GAS7: variants seen among roughly 807,000 people sequenced by gnomAD.
GAS7 encodes growth arrest-specific protein 7.
GAS7 carries 28 observed loss-of-function variants against 71.1 expected under a neutral mutation model. That is an observed-to-expected ratio of 0.39 (90% confidence interval 0.29 to 0.54). The LOEUF (loss-of-function observed/expected upper bound fraction) is 0.54, where lower values mean the gene tolerates loss of function less well. Among genes scored for constraint, GAS7 ranks in the 20% least tolerant of loss-of-function variants. The pLI is 0.62. For missense variants in GAS7, 436 were observed against 627.8 expected, an observed-to-expected ratio of 0.69 and a Z score of 3.27; for synonymous variants, 258 against 245.8, an observed-to-expected ratio of 1.05 and a Z score of -0.46.
intron 5 of GAS7, among the ~76,000 whole-genome samples, chr17:9,956,457 C>T (rs890217397): frequency 2.0e-5 from 3 of 152,080 alleles, no homozygotes; most frequent in African/African-American, 7.2e-5. Context: ...AGAGTGTGGC[C>T]GGGTGGCTTT....
chr17:10,051,333 C>T (rs1445259540), intron 1 of GAS7, among the ~76,000 whole-genome samples: 4 of 152,176 alleles, frequency 2.6e-5, no homozygotes. Flanking sequence ...GCTAAACTCT[C>T]CAGAATGATA....
rs1446940161 is a variant in GAS7 at position 9,913,794 on chromosome 17, G to A, written c.*3434C>T. 8.6e-6 allele frequency: 2 copies of A among 231,564 alleles called. No homozygotes were observed. The highest frequency in any genetic ancestry group is 6.1e-5 in the East Asian group (1 of 16,410). The allele number at this position is 231,564 out of a possible 1,614,324, so 14.3% of individuals were successfully genotyped here. On this transcript the variant is annotated 3_prime_UTR_variant, in exon 14 of 14. Transcript: ENST00000432992. The stretch of plus-strand genomic sequence containing the variant: ...TAACAAGTGGCTCTTCCTGGAGGTT[G>A]TCACAGCAACCAACTTGGAACACCA...
In GAS7 at chr17:9,979,862, TA is replaced by T. The variant is rs749550179; in HGVS notation, c.385+1941del. Among the ~76,000 whole-genome samples the T allele has an allele frequency of 2.7e-3, 376 of 141,142 alleles. 1 individual carries two copies. The highest frequency in any genetic ancestry group is 0.012 in the East Asian group (59 of 4,834). 92.6% of individuals were successfully genotyped at this position (141,142 alleles called of 152,430 possible). A position where few individuals can be genotyped will look rare whatever the true frequency, so the allele number is the denominator to read the frequency against. ...ATTCGCACTGGCATTTTGATTGTTT[TA>T]AAAAAAAAAAAAAACACAAGAACAA... On this transcript the variant is annotated intron_variant, in intron 3 of 13. Transcript: ENST00000432992.
At chr17:9,962,239 T>C (rs867523539) in intron 4 of GAS7, among the ~76,000 whole-genome samples, 6 of 148,614 alleles carry the variant, frequency 4.0e-5, no homozygotes, top group South Asian at 2.1e-4. Flanking sequence ...GTGCATTTTA[T>C]ACACACACAC....
intron 1 of GAS7, among the ~76,000 whole-genome samples, chr17:10,137,123 A>AG (rs1467854578): frequency 3.3e-5 from 2 of 61,240 alleles, no homozygotes; most frequent in Non-Finnish European, 9.0e-5. Flanking sequence ...AAAAAGAAAA[A>AG]AAGAGAGAGA....
chr17:10,126,461 C>G (rs551075340), intron 1 of GAS7, among the ~76,000 whole-genome samples: 1 of 151,490 alleles, frequency 6.6e-6, no homozygotes, highest in East Asian at 1.9e-4. Flanking sequence ...CGCACACGCA[C>G]TCATGCACAC....
intron 1 of GAS7, among the ~76,000 whole-genome samples, chr17:10,184,486 T>C (rs565983612): frequency 6.6e-6 from 1 of 152,178 alleles, no homozygotes. Flanking sequence ...CTAAATCCAA[T>C]CTAATTCCAG....
chr17:10,115,774 A>C (rs909292316), intron 1 of GAS7, among the ~76,000 whole-genome samples: 1 of 152,100 alleles, frequency 6.6e-6, no homozygotes, highest in African/African-American at 2.4e-5. Flanking sequence ...AGAACCTTAT[A>C]CCTTCCCTTA....
chr17:10,058,270 AAAAAC>A (rs369716918), intron 1 of GAS7, among the ~76,000 whole-genome samples: 5 of 151,638 alleles, frequency 3.3e-5, no homozygotes, highest in African/African-American at 7.3e-5. Context: ...AAACAAAAAC[AAAAAC>A]AAAACAAAAC....
At chr17:9,928,170 C>T (rs1338031452) in intron 9 of GAS7, among the ~76,000 whole-genome samples, 2 of 151,518 alleles carry the variant, frequency 1.3e-5, no homozygotes, top group African/African-American at 2.4e-5. Context: ...TGGAGTGCAG[C>T]GACGCGATCT....
intron 1 of GAS7, among the ~76,000 whole-genome samples, chr17:10,035,694 T>A (rs926461178): frequency 6.6e-5 from 10 of 152,108 alleles, no homozygotes; most frequent in Admixed American, 5.9e-4. Flanking sequence ...TTGGAGGTCC[T>A]CCTTTGCAAA....
In GAS7 at chr17:10,188,628, T is replaced by TTG. The variant is rs563784141; in HGVS notation, c.183+9578_183+9579dup. On this transcript the variant is annotated intron_variant, in intron 1 of 13. Coordinates refer to ENST00000432992, the MANE Select transcript of GAS7 (RefSeq NM_201433.2). ...ATAGTTGAGGACTTTTTATATGGTT[T>TTG]TGTGTGTGTGTGTGTTCATTTGTTT... is the stretch of plus-strand genomic sequence containing the variant. 2.4e-4 allele frequency among the ~76,000 whole-genome samples: 36 copies of TTG among 152,006 alleles called. 1 individual carries two copies. The highest frequency in any genetic ancestry group is 8.3e-4 in the South Asian group (4 of 4,806).
At chr17:10,151,136 A>G (rs1597821998) in intron 1 of GAS7, among the ~76,000 whole-genome samples, 1 of 152,194 alleles carries the variant, frequency 6.6e-6, no homozygotes, top group Admixed American at 6.5e-5. Context: ...ACTTAAAAGC[A>G]TATTTCCAGA....
At chr17:10,146,578 A>C (rs1255132396) in intron 1 of GAS7, among the ~76,000 whole-genome samples, 1 of 152,120 alleles carries the variant, frequency 6.6e-6, no homozygotes, top group Non-Finnish European at 1.5e-5. Flanking sequence ...AGGCCCAGCA[A>C]TCAGGGTTTA....
intron 2 of GAS7, among the ~76,000 whole-genome samples, chr17:10,019,560 C>G (rs2072179407): frequency 6.6e-6 from 1 of 152,166 alleles, no homozygotes; most frequent in South Asian, 2.1e-4. Context: ...TAAAGGGCAG[C>G]CTTCCTTCCA....
intron 1 of GAS7, among the ~76,000 whole-genome samples, chr17:10,020,698 G>A (rs1174334126): frequency 6.6e-6 from 1 of 152,020 alleles, no homozygotes; most frequent in Non-Finnish European, 1.5e-5. Flanking sequence ...GATTGCCTAA[G>A]CTCAGGAGTT....
chr17:9,959,389 C>A lies in GAS7; in HGVS notation c.472-134G>T, dbSNP rs185970743. 232 of 1,515,770 alleles carry A rather than the reference C, an allele frequency of 1.5e-4. No homozygotes were observed. The highest frequency in any genetic ancestry group is 3.9e-4 in the Admixed American group (19 of 48,756). The allele number at this position is 1,515,770 out of a possible 1,614,324, so 93.9% of individuals were successfully genotyped here. ...AGTCTGAATCCTAAGTCACCATATT[C>A]TGGGCCAGGGCAAGCAGGGGTCTCC... is the stretch of plus-strand genomic sequence containing the variant. On this transcript the variant is annotated intron_variant, in intron 4 of 13. Coordinates refer to ENST00000432992, the MANE Select transcript of GAS7 (RefSeq NM_201433.2). This position sits in a 1 kb window ranked among gnomAD's most constrained non-coding sequence, Gnocchi z 5.0.
chr17:9,919,389 A>T lies in GAS7; in HGVS notation c.1218+237T>A, dbSNP rs576762907. ...CCTCTCAGGGGACAGCCCAAGAAGG[A>T]TGTAGCCATATCCAACCCAACCCTG... On this transcript the variant is annotated intron_variant, in intron 12 of 13. Coordinates refer to ENST00000432992, the MANE Select transcript of GAS7 (RefSeq NM_201433.2). This position sits in a 1 kb window ranked among gnomAD's most constrained non-coding sequence, Gnocchi z 5.0. Among the ~76,000 whole-genome samples the T allele has an allele frequency of 6.6e-6, 1 of 152,112 alleles. No individual in the cohort carries two copies. Among genetic ancestry groups the T allele is most frequent in the Non-Finnish European group, 1.5e-5 (1 of 68,034 alleles).
At chr17:9,999,640 C>T (rs1458472693) in intron 2 of GAS7, among the ~76,000 whole-genome samples, 1 of 152,142 alleles carries the variant, frequency 6.6e-6, no homozygotes, top group African/African-American at 2.4e-5. Flanking sequence ...GGTGTGGCCA[C>T]AAAGCCACTT....
Sources: gnomAD v4.1 joint callset for allele counts (sites outside exome capture counted in the v4.1 genomes callset) on GRCh38, gnomAD v4.1.1 for gene constraint, Gnocchi (gnomAD v3.1) non-coding constraint, MANE v1.5 for transcripts, NCBI Gene and HGNC (gene_info 2026-07-23, HGNC 2026-07-21) for gene names.